SLC15A2: variants seen among roughly 807,000 people sequenced by gnomAD.
SLC15A2 encodes the protein solute carrier family 15 member 2, also known as kidney H(+)/peptide cotransporter.
A neutral mutation model predicts 95.5 loss-of-function variants in SLC15A2; 77 were observed. That is an observed-to-expected ratio of 0.81 (90% confidence interval 0.67 to 0.97). SLC15A2 has a LOEUF of 0.97. Ranked by LOEUF, SLC15A2 falls within the 50% of genes least tolerant of loss-of-function variation. The probability of loss-of-function intolerance (pLI) is 0.00; values close to 1 mark genes in which losing one functional copy is unlikely to be tolerated. For synonymous variants in SLC15A2, 306 were observed against 306.9 expected (o/e 1.00, Z 0.03); for missense variants, 893 against 874.4 (o/e 1.02, Z -0.27).
chr3:121,923,123 T>A lies in SLC15A2; in HGVS notation c.951T>A (p.Asp317Glu). ...IPLPMFWALL[D>E]QQGSRWTLQA... ...TGCCCATGTTCTGGGCTCTTTTGGA[T>A]CAGCAGGTAAGAATAGTTCTTTTGG... The change falls in exon 10 of 22, where the codon GAT becomes GAA. Residue 317 changes from aspartate to glutamate, a missense_variant. Coordinates refer to ENST00000489711, the MANE Select transcript of SLC15A2 (RefSeq NM_021082.4). 2 of 1,614,006 alleles carry A rather than the reference T, an allele frequency of 1.2e-6. No homozygotes were observed. The highest frequency in any genetic ancestry group is 1.7e-6 in the Non-Finnish European group (2 of 1,179,890).
rs1238761977 is a variant in SLC15A2, at chr3:121,942,458, G to GTTAACAGGCACCTGTTAATA, written c.*1459_*1478dup. 1 of 152,182 alleles carries GTTAACAGGCACCTGTTAATA rather than the reference G, an allele frequency of 6.6e-6. No homozygotes were observed. Among genetic ancestry groups the GTTAACAGGCACCTGTTAATA allele is most frequent in the East Asian group, 1.9e-4 (1 of 5,200 alleles). 9.4% of individuals were successfully genotyped at this position (152,182 alleles called of 1,614,324 possible). On this transcript the variant is annotated 3_prime_UTR_variant, in exon 22 of 22. Transcript: ENST00000489711. ...AATGTTAATACGTAACAATGTTCAT[G>GTTAACAGGCACCTGTTAATA]TTAACAGGCACCTGTTAATATTAAC... is the stretch of plus-strand genomic sequence containing the variant.
Position 121,941,209 on chromosome 3 carries a change from G to A in SLC15A2, c.*202G>A. 1 of 492,232 alleles carries A rather than the reference G, an allele frequency of 2.0e-6. No individual in the cohort carries two copies. Among genetic ancestry groups the A allele is most frequent in the East Asian group, 3.3e-5 (1 of 30,170 alleles). The allele number at this position is 492,232 out of a possible 1,614,324, so 30.5% of individuals were successfully genotyped here. The stretch of plus-strand genomic sequence containing the variant: ...AGACTCTATGTCTGCCCGTCCATCA[G>A]TGAACTCATTAAAACTTGTGCAGTG... On this transcript the variant is annotated 3_prime_UTR_variant, in exon 22 of 22. Coordinates refer to ENST00000489711, the MANE Select transcript of SLC15A2 (RefSeq NM_021082.4).
At chr3:121,933,227 T>A (rs1176338702) in intron 19 of SLC15A2, among the ~76,000 whole-genome samples, 2 of 150,930 alleles carry the variant, frequency 1.3e-5, no homozygotes, top group Non-Finnish European at 2.9e-5. Context: ...AACATATGTG[T>A]GCATGTGTCT....
At chr3:121,929,486 A>G in intron 17 of SLC15A2, 138 bp downstream of exon 17, 1 of 844,458 alleles carries the variant, frequency 1.2e-6, no homozygotes, top group Non-Finnish European at 1.9e-6. Flanking sequence ...GTCAAAAGGC[A>G]TTTTCTAGGA....
intron 19 of SLC15A2, among the ~76,000 whole-genome samples, chr3:121,933,984 C>T (rs1399509519): frequency 3.3e-5 from 5 of 151,004 alleles, no homozygotes; most frequent in Non-Finnish European, 7.4e-5. Context: ...TACATATGGC[C>T]AGCCAGTTTT....
intron 3 of SLC15A2, among the ~76,000 whole-genome samples, chr3:121,902,275 AT>A (rs1239462161): frequency 2.0e-5 from 3 of 152,188 alleles, no homozygotes; most frequent in Non-Finnish European, 4.4e-5. Flanking sequence ...ACCCAGGCTC[AT>A]CAGTTTTGAT....
intron 13 of SLC15A2, among the ~76,000 whole-genome samples, chr3:121,925,273 C>T (rs1710092890): frequency 1.3e-5 from 2 of 152,018 alleles, no homozygotes; most frequent in Admixed American, 6.6e-5. Flanking sequence ...GGTGGAGGGG[C>T]AGGTCTAGGT....
intron 2 of SLC15A2, 23 bp from the exon 3 acceptor site, chr3:121,897,365 C>T: frequency 1.9e-6 from 3 of 1,611,692 alleles, no homozygotes; most frequent in Non-Finnish European, 1.7e-6. Context: ...TCTCCCCACG[C>T]CTCCTTTTTT....
At chr3:121,915,769 A>G in intron 7 of SLC15A2, 76 bp downstream of exon 7, 1 of 1,031,360 alleles carries the variant, frequency 9.7e-7, no homozygotes, top group Non-Finnish European at 1.5e-6. Context: ...GGCACTTTAC[A>G]CAAGCTGTTT....
chr3:121,900,670 A>G (rs1298571509), intron 3 of SLC15A2, among the ~76,000 whole-genome samples: 1 of 151,996 alleles, frequency 6.6e-6, no homozygotes, highest in African/African-American at 2.4e-5. Context: ...GTCTGTTTGC[A>G]TTGTTTCTGC....
intron 20 of SLC15A2, 67 bp downstream of exon 20, chr3:121,939,562 G>C: frequency 7.4e-7 from 1 of 1,355,430 alleles, no homozygotes; most frequent in South Asian, 1.7e-5. Flanking sequence ...TTTAATTCTA[G>C]CACTGACTTA....
intron 19 of SLC15A2, among the ~76,000 whole-genome samples, chr3:121,936,995 A>G (rs1710360898): frequency 6.6e-6 from 1 of 151,986 alleles, no homozygotes; most frequent in Non-Finnish European, 1.5e-5. Flanking sequence ...GCTTGCCTGT[A>G]AAGGATGTTA....
At chr3:121,911,849 T>C (rs1209807483) in intron 4 of SLC15A2, among the ~76,000 whole-genome samples, 183 bp downstream of exon 4, 1 of 152,210 alleles carries the variant, frequency 6.6e-6, no homozygotes, top group Non-Finnish European at 1.5e-5. Context: ...CATCTGTTTT[T>C]GGGACTTGTA....
intron 19 of SLC15A2, among the ~76,000 whole-genome samples, chr3:121,934,731 T>G (rs1576691804): frequency 6.6e-6 from 1 of 152,350 alleles, no homozygotes; most frequent in East Asian, 1.9e-4. Context: ...TGACTTCCTC[T>G]TTTCCTAATT....
intron 5 of SLC15A2, chr3:121,914,931 A>G: frequency 1.0e-6 from 1 of 961,636 alleles, no homozygotes; most frequent in Non-Finnish European, 1.3e-6. Context: ...AGACATTAAT[A>G]TTAGAATAGC....
At chr3:121,938,065 G>T (rs1046204923) in intron 19 of SLC15A2, among the ~76,000 whole-genome samples, 2 of 149,490 alleles carry the variant, frequency 1.3e-5, no homozygotes, top group Non-Finnish European at 3.0e-5. Context: ...GTGCCTCCCA[G>T]TTAGGCTGCT....
intron 5 of SLC15A2, 48 bp from the exon 6 acceptor site, chr3:121,915,179 T>C: frequency 7.0e-7 from 1 of 1,430,148 alleles, no homozygotes; most frequent in Non-Finnish European, 9.9e-7. Flanking sequence ...GGAGTGGGGC[T>C]GGAGCTAGGG....
intron 7 of SLC15A2, among the ~76,000 whole-genome samples, chr3:121,919,493 C>T (rs1238461622): frequency 7.9e-5 from 12 of 152,076 alleles, no homozygotes; most frequent in Non-Finnish European, 2.9e-5. Flanking sequence ...TGGGGGAGTA[C>T]ATGCTGATTG....
intron 3 of SLC15A2, among the ~76,000 whole-genome samples, chr3:121,909,567 C>G (rs1433410956): frequency 1.3e-5 from 2 of 152,048 alleles, no homozygotes; most frequent in African/African-American, 2.4e-5. Flanking sequence ...CCATTAGTTT[C>G]CTCTCTTATA....
Sources: allele counts gnomAD v4.1 joint callset (sites outside exome capture counted in the v4.1 genomes callset), GRCh38; gene constraint gnomAD v4.1.1; transcripts MANE v1.5; gene names NCBI Gene and HGNC (gene_info 2026-07-23, HGNC 2026-07-21).